The following RCOR3 variants were observed in gnomAD, a reference collection of about 807,000 sequenced individuals.
RCOR3 encodes REST corepressor 3.
A neutral mutation model predicts 64.1 loss-of-function variants in RCOR3; 13 were observed. The ratio of observed to expected loss-of-function variants is 0.20; its 90% CI spans 0.13 to 0.32. RCOR3 has a LOEUF of 0.32. RCOR3 is among the 10% of genes least tolerant of loss of function. RCOR3 has a pLI of 1.00. For missense variants in RCOR3, 489 were observed against 701.2 expected (o/e 0.70, Z 3.42); for synonymous variants, 215 against 239.0 (o/e 0.90, Z 0.93).
chr1:211,310,207 A>G (rs1701341741), intron 10 of RCOR3, among the ~76,000 whole-genome samples: 1 of 152,144 alleles, frequency 6.6e-6, no homozygotes, highest in Admixed American at 6.5e-5. Context: ...AAAATTATGA[A>G]ATTTGTCACA....
In RCOR3 at chr1:211,279,723, A is replaced by G. The variant is rs1697506342; in HGVS notation, c.720+407A>G. ...CTGCTAAATATTCTCAAATTCCTTAATTCCTTCATTTTCTCCCCCAAGTCT... is the reference window on the plus strand; with the variant it reads ...CTGCTAAATATTCTCAAATTCCTTAGTTCCTTCATTTTCTCCCCCAAGTCT... On this transcript the variant is annotated intron_variant, in intron 7 of 11. Coordinates refer to ENST00000419091, the MANE Select transcript of RCOR3 (RefSeq NM_001136223.3). Among the ~76,000 whole-genome samples, 3 of 152,064 alleles carry G rather than the reference A, an allele frequency of 2.0e-5. No homozygotes were observed. In the South Asian group the frequency reaches 6.2e-4, roughly 32 times the overall value.
Position 211,312,896 on chromosome 1 carries a change from T to C in RCOR3, c.1252T>C (p.Leu418=), listed in dbSNP as rs1701638536. The C allele has an allele frequency of 2.5e-6, 4 of 1,614,076 alleles. No individual in the cohort carries two copies. The highest frequency in any genetic ancestry group is 3.4e-6 in the Non-Finnish European group (4 of 1,179,996). The part of the protein sequence containing the change: ...TQASNGDAST[L]GEETKSASNV... ...GGCTTCTAATGGTGATGCTTCTACT[T>C]TAGGGGAGGAGACAAAAAGTGCTTC... Residue 418 remains leucine, a synonymous_variant, in exon 11 of 12, where the codon TTA becomes CTA. Transcript: ENST00000419091. The surrounding 1 kb of genome is among the most constrained non-coding windows in gnomAD (Gnocchi z 5.0).
chr1:211,273,317 G>T (rs1372759044), intron 3 of RCOR3, among the ~76,000 whole-genome samples: 1 of 152,032 alleles, frequency 6.6e-6, no homozygotes, highest in African/African-American at 2.4e-5. Context: ...GGAAACTAAG[G>T]TACAGAAAGG....
At chr1:211,271,526 A>G (rs973330425) in intron 3 of RCOR3, 6 of 618,304 alleles carry the variant, frequency 9.7e-6, no homozygotes, top group African/African-American at 9.1e-5. Context: ...AATTTGTGTC[A>G]GGCCCATGAA....
intron 5 of RCOR3, among the ~76,000 whole-genome samples, chr1:211,276,913 C>T (rs991074638): frequency 4.6e-5 from 7 of 151,656 alleles, no homozygotes; most frequent in Admixed American, 2.0e-4. Context: ...AGTGAAACCC[C>T]GTCTCTACTA....
chr1:211,295,879 T>C, intron 9 of RCOR3, 126 bp downstream of exon 9: 3 of 620,022 alleles, frequency 4.8e-6, no homozygotes, highest in Non-Finnish European at 8.6e-6. Flanking sequence ...ATATGGATAA[T>C]TTATTATGTC....
chr1:211,311,094 T>C (rs1701443050), intron 10 of RCOR3, among the ~76,000 whole-genome samples: 1 of 152,176 alleles, frequency 6.6e-6, no homozygotes, highest in Non-Finnish European at 1.5e-5. Flanking sequence ...CTTGAATATA[T>C]AACAGTAACT....
intron 9 of RCOR3, among the ~76,000 whole-genome samples, chr1:211,300,176 C>T (rs1209733363): frequency 8.1e-5 from 12 of 148,756 alleles, no homozygotes; most frequent in African/African-American, 1.7e-4. Flanking sequence ...GCTCAGGTGA[C>T]TCTCCCACCT....
chr1:211,274,280 T>A lies in RCOR3; in HGVS notation c.354+18T>A, dbSNP rs762787700. On this transcript the variant is annotated intron_variant, in intron 4 of 11. Coordinates refer to ENST00000419091, the MANE Select transcript of RCOR3 (RefSeq NM_001136223.3). The stretch of plus-strand genomic sequence containing the variant: ...TGGAACAGGTATGTAGAGAAACACT[T>A]CAGTAGTAAGGCTTGTCCCAATATT... 1.3e-6 allele frequency: 2 copies of A among 1,554,500 alleles called. No homozygotes were observed. The highest frequency in any genetic ancestry group is 1.8e-6 in the Non-Finnish European group (2 of 1,127,618).
Position 211,312,337 on chromosome 1 carries a change from G to A in RCOR3, c.1076-383G>A, listed in dbSNP as rs748043660. On this transcript the variant is annotated intron_variant, in intron 10 of 11. Transcript: ENST00000419091. The surrounding 1 kb of genome is among the most constrained non-coding windows in gnomAD (Gnocchi z 5.0). Reference sequence around the variant, plus strand: ...TTCCCATCCAGTTTTGTTTACAAACGATGTTGCTCAAATTTAGGTGACTGG... The same window carrying A: ...TTCCCATCCAGTTTTGTTTACAAACAATGTTGCTCAAATTTAGGTGACTGG... The A allele has an allele frequency of 4.4e-4, 204 of 460,442 alleles. 2 individuals are homozygous for A. Among genetic ancestry groups the A allele is most frequent in the Middle Eastern group, 1.3e-3 (4 of 3,092 alleles). The allele number at this position is 460,442 out of a possible 1,614,324, so 28.5% of individuals were successfully genotyped here. A position where few individuals can be genotyped will look rare whatever the true frequency, so the allele number is the denominator to read the frequency against.
At chr1:211,267,981 A>G (rs990248427) in intron 2 of RCOR3, 2 of 279,026 alleles carry the variant, frequency 7.2e-6, no homozygotes, top group Non-Finnish European at 7.1e-6. Context: ...TTTAATTCAG[A>G]CTTTCTGTAA....
At chr1:211,293,520 T>TCA (rs1442598666) in intron 8 of RCOR3, among the ~76,000 whole-genome samples, 2 of 152,238 alleles carry the variant, frequency 1.3e-5, no homozygotes, top group East Asian at 3.8e-4. Context: ...TCAGTTTAGC[T>TCA]GTCCTTTTCT....
intron 5 of RCOR3, among the ~76,000 whole-genome samples, chr1:211,277,306 G>A (rs900514230): frequency 6.6e-6 from 1 of 151,696 alleles, no homozygotes; most frequent in Non-Finnish European, 1.5e-5. Context: ...GATAATATTT[G>A]CAAATATATC....
intron 1 of RCOR3, 175 bp from the exon 2 acceptor site, chr1:211,259,933 C>CCG: frequency 1.7e-6 from 2 of 1,185,278 alleles, no homozygotes; most frequent in Non-Finnish European, 2.2e-6. Context: ...TGCCCCCCCC[C>CCG]GCTCCCCGCC....
At chr1:211,262,430 G>A (rs1449972635) in intron 2 of RCOR3, among the ~76,000 whole-genome samples, 1 of 152,072 alleles carries the variant, frequency 6.6e-6, no homozygotes, top group Non-Finnish European at 1.5e-5. Flanking sequence ...GAATTATTCT[G>A]GATATATTCA....
rs189592082 is a variant in RCOR3, at chr1:211,284,548, G to A, written c.721-4630G>A. ...TTTATGTATTTATTTAACAGTTGGG[G>A]GTCTTGTTTTGTCACCCAGGCTAGT... On this transcript the variant is annotated intron_variant, in intron 7 of 11. Coordinates refer to ENST00000419091, the MANE Select transcript of RCOR3 (RefSeq NM_001136223.3). Among the ~76,000 whole-genome samples the A allele has an allele frequency of 4.7e-3, 686 of 146,838 alleles. 3 individuals are homozygous for A. Among genetic ancestry groups the A allele is most frequent in the African/African-American group, 0.016 (654 of 40,222 alleles).
At chr1:211,281,887 G>C (rs1451866227) in intron 7 of RCOR3, among the ~76,000 whole-genome samples, 1 of 152,080 alleles carries the variant, frequency 6.6e-6, no homozygotes, top group Non-Finnish European at 1.5e-5. Context: ...TTCCTGCGTG[G>C]TGAGCTCTTT....
intron 2 of RCOR3, among the ~76,000 whole-genome samples, chr1:211,262,988 C>A (rs1694608940): frequency 6.7e-6 from 1 of 150,370 alleles, no homozygotes. Context: ...CGTCATTTAG[C>A]ATTAGGTATA....
In RCOR3 at chr1:211,265,150, C is replaced by T. The variant is rs150218543; in HGVS notation, c.223+4986C>T. On this transcript the variant is annotated intron_variant, in intron 2 of 11. Coordinates refer to ENST00000419091, the MANE Select transcript of RCOR3 (RefSeq NM_001136223.3). ...GAAAAAAGATTCACGTATTTTTAGT[C>T]GACATCTGTTATTTGTCACTGAGTT... 3.9e-5 allele frequency among the ~76,000 whole-genome samples: 6 copies of T among 152,128 alleles called. 1 individual carries two copies. Among genetic ancestry groups the T allele is most frequent in the African/African-American group, 1.4e-4 (6 of 41,462 alleles).
Sources: gnomAD v4.1 joint callset for allele counts (sites outside exome capture counted in the v4.1 genomes callset) on GRCh38, gnomAD v4.1.1 for gene constraint, Gnocchi (gnomAD v3.1) non-coding constraint, MANE v1.5 for transcripts, NCBI Gene and HGNC (gene_info 2026-07-23, HGNC 2026-07-21) for gene names.